Variants in LYZL4 observed in about 807,000 individuals in gnomAD.
LYZL4 encodes the protein lysozyme like 4.
A neutral mutation model predicts 17.6 loss-of-function variants in LYZL4; 13 were observed. That is an observed-to-expected ratio of 0.74 (90% CI 0.48 to 1.18). The LOEUF is 1.18. Ranked by LOEUF, LYZL4 falls within the 50% of genes most tolerant of loss-of-function variation. The pLI is 0.00. For missense variants in LYZL4, 174 were observed against 188.2 expected, an observed-to-expected ratio of 0.92 and a Z score of 0.44; for synonymous variants, 64 against 67.7, an observed-to-expected ratio of 0.95 and a Z score of 0.27.
At chr3:42,409,544 C>CA (rs1698826676) in intron 1 of LYZL4, among the ~76,000 whole-genome samples, 1 of 152,216 alleles carries the variant, frequency 6.6e-6, no homozygotes, top group African/African-American at 2.4e-5. Context: ...CCCTCTCCCC[C>CA]AGAAGCCAGT....
At chr3:42,400,012 C>A (rs1408293165) in intron 4 of LYZL4, among the ~76,000 whole-genome samples, 1 of 148,970 alleles carries the variant, frequency 6.7e-6, no homozygotes, top group Non-Finnish European at 1.5e-5. Context: ...TCCAAAATAC[C>A]TTGAAGACAC....
At chr3:42,370,461 G>T in the LYZL4 span, among the ~76,000 whole-genome samples, 1 of 152,132 alleles carries the variant, frequency 6.6e-6, no homozygotes, top group Non-Finnish European at 1.5e-5. Flanking sequence ...GGTAGCCCCT[G>T]GTCCAGGGAG....
At chr3:42,404,202 G>C in intron 3 of LYZL4, 78 bp from the exon 4 acceptor site, 1 of 872,048 alleles carries the variant, frequency 1.1e-6, no homozygotes. Flanking sequence ...AAGGTACAGG[G>C]TACTCACATC....
chr3:42,369,708 T>G, the LYZL4 span, among the ~76,000 whole-genome samples: 3 of 152,222 alleles, frequency 2.0e-5, no homozygotes, highest in Admixed American at 6.5e-5. Context: ...CAATGGCAAG[T>G]GGAATGCTTT....
chr3:42,407,182 G>A lies in LYZL4; in HGVS notation c.70C>T (p.Arg24Cys), dbSNP rs779626788. Residue 24 changes from arginine to cysteine, a missense_variant, in exon 2 of 5, where the codon CGT (arginine) becomes TGT (cysteine). By Grantham distance (180) the Arg-to-Cys change is radical (BLOSUM62 -3). Coordinates refer to ENST00000287748, the MANE Select transcript of LYZL4 (RefSeq NM_144634.4). The part of the protein sequence containing the change: ...VVPSGAYILG[R>C]CTVAKKLHDG... ...TGGAGTTTCTTAGCCACTGTGCAACGCCCCAAGATGTAAGCACCACTTGGA... is the reference window on the plus strand; with the variant it reads ...TGGAGTTTCTTAGCCACTGTGCAACACCCCAAGATGTAAGCACCACTTGGA... 25 of 1,614,006 alleles carry A rather than the reference G, an allele frequency of 1.5e-5. No individual in the cohort carries two copies. Among genetic ancestry groups the A allele is most frequent in the African/African-American group, 4.0e-5 (3 of 74,886 alleles).
At chr3:42,404,234 C>T (rs749080572) in intron 3 of LYZL4, 110 bp from the exon 4 acceptor site, 13 of 604,164 alleles carry the variant, frequency 2.2e-5, no homozygotes, top group African/African-American at 5.7e-5. Flanking sequence ...CAGTGAATTC[C>T]AAGAATAAAT....
At chr3:42,362,536 G>A in the LYZL4 span, among the ~76,000 whole-genome samples, 1 of 152,180 alleles carries the variant, frequency 6.6e-6, no homozygotes, top group African/African-American at 2.4e-5. Flanking sequence ...GTCTCATGAC[G>A]GCTTGCTTTC....
chr3:42,361,278 C>A, the LYZL4 span, among the ~76,000 whole-genome samples: 1 of 152,082 alleles, frequency 6.6e-6, no homozygotes, highest in Non-Finnish European at 1.5e-5. Context: ...GTATTGTAGT[C>A]ACTCCATAGG....
chr3:42,390,236 G>T, the LYZL4 span, among the ~76,000 whole-genome samples: 2 of 152,218 alleles, frequency 1.3e-5, no homozygotes, highest in Non-Finnish European at 2.9e-5. Context: ...ATATCTGTAT[G>T]CTGTGTGAAT....
At chr3:42,387,915 C>G in the LYZL4 span, among the ~76,000 whole-genome samples, 1 of 152,184 alleles carries the variant, frequency 6.6e-6, no homozygotes, top group African/African-American at 2.4e-5. Flanking sequence ...TCTCACTGGG[C>G]CACAGAGACC....
chr3:42,398,646 G>C (rs1233138872), intron 4 of LYZL4, among the ~76,000 whole-genome samples: 1 of 151,960 alleles, frequency 6.6e-6, no homozygotes, highest in Non-Finnish European at 1.5e-5. Context: ...TAAATTCCAA[G>C]AAGGCCAAAA....
intron 1 of LYZL4, among the ~76,000 whole-genome samples, chr3:42,407,850 C>T (rs937810918): frequency 6.6e-6 from 1 of 152,114 alleles, no homozygotes; most frequent in African/African-American, 2.4e-5. Flanking sequence ...TTCTACAAAC[C>T]AAACTCCCCT....
At chr3:42,386,555 G>C in the LYZL4 span, among the ~76,000 whole-genome samples, 1 of 152,110 alleles carries the variant, frequency 6.6e-6, no homozygotes, top group Non-Finnish European at 1.5e-5. Flanking sequence ...TTCCAGGTTT[G>C]GGGGACTAGG....
At chr3:42,407,884 A>T (rs1202210384) in intron 1 of LYZL4, among the ~76,000 whole-genome samples, 1 of 152,074 alleles carries the variant, frequency 6.6e-6, no homozygotes, top group East Asian at 1.9e-4. Context: ...CCGTCCACGC[A>T]ATGAGACAAG....
the LYZL4 span, among the ~76,000 whole-genome samples, chr3:42,369,389 C>A: frequency 2.6e-5 from 4 of 152,230 alleles, no homozygotes; most frequent in Non-Finnish European, 4.4e-5. Flanking sequence ...GTGAAGGCTT[C>A]AGATCTCTTT....
the LYZL4 span, among the ~76,000 whole-genome samples, chr3:42,370,684 C>T: frequency 1.9e-3 from 295 of 152,302 alleles, 6 homozygotes; most frequent in East Asian, 0.05. Context: ...CTACATGTCC[C>T]GATACTTGTA....
the LYZL4 span, among the ~76,000 whole-genome samples, chr3:42,364,275 C>A: frequency 6.6e-6 from 1 of 152,036 alleles, no homozygotes; most frequent in Non-Finnish European, 1.5e-5. Context: ...GGGTGTCCTA[C>A]AACCTGCATT....
rs546541471 is a variant in LYZL4, at chr3:42,410,154, C to T, written c.-93+263G>A. Among the ~76,000 whole-genome samples, 13 of 152,298 alleles carry T rather than the reference C, an allele frequency of 8.5e-5. No individual in the cohort carries two copies. The South Asian group carries it at 2.1e-3, about 24-fold the overall frequency. On this transcript the variant is annotated intron_variant, in intron 1 of 4. Coordinates refer to ENST00000287748, the MANE Select transcript of LYZL4 (RefSeq NM_144634.4). Reference sequence around the variant, plus strand: ...ATTTATCTGTTCACTTGCTTATTTTCTCTCTCCCATACCTGAGTGTAAGCA... The same window carrying T: ...ATTTATCTGTTCACTTGCTTATTTTTTCTCTCCCATACCTGAGTGTAAGCA...
the LYZL4 span, among the ~76,000 whole-genome samples, chr3:42,391,176 C>T: frequency 6.6e-6 from 1 of 152,124 alleles, no homozygotes; most frequent in Non-Finnish European, 1.5e-5. Context: ...TACTATTGTA[C>T]TGTATGTACA....
Sources: gnomAD v4.1 joint callset for allele counts (sites outside exome capture counted in the v4.1 genomes callset) on GRCh38, gnomAD v4.1.1 for gene constraint, MANE v1.5 for transcripts, NCBI Gene and HGNC (gene_info 2026-07-23, HGNC 2026-07-21) for gene names.